Variants in ZBTB20 observed in about 807,000 individuals in gnomAD.
The protein encoded by ZBTB20 is zinc finger and BTB domain-containing protein 20.
In ZBTB20, 9 loss-of-function variants were observed where a neutral mutation model predicts 56.9. The observed-to-expected ratio is 0.16, with a 90% CI of 0.10 to 0.28. The LOEUF is 0.28. ZBTB20 is among the 10% of genes least tolerant of loss of function. The pLI is 1.00. For missense variants in ZBTB20, 655 were observed against 1,003.0 expected (o/e 0.65, Z 4.69); for synonymous variants, 417 against 420.7 (o/e 0.99, Z 0.11).
At chr3:114,848,686 C>T (rs1446169081) in intron 4 of ZBTB20, among the ~76,000 whole-genome samples, 1 of 152,140 alleles carries the variant, frequency 6.6e-6, no homozygotes, top group Non-Finnish European at 1.5e-5. Context: ...ACTTTGGGAC[C>T]TAAATCAACC....
intron 5 of ZBTB20, among the ~76,000 whole-genome samples, chr3:114,777,198 C>T (rs2069671097): frequency 6.6e-6 from 1 of 152,094 alleles, no homozygotes; most frequent in Admixed American, 6.5e-5. Context: ...GGAACCTAAA[C>T]CCAAGAATTC....
At chr3:114,783,535 C>T in intron 5 of ZBTB20, among the ~76,000 whole-genome samples, 1 of 152,088 alleles carries the variant, frequency 6.6e-6, no homozygotes, top group South Asian at 2.1e-4. Context: ...GTGGCTCATG[C>T]CTGTAATCCC....
intron 6 of ZBTB20, among the ~76,000 whole-genome samples, chr3:114,675,614 C>T (rs751417933): frequency 3.9e-5 from 6 of 152,100 alleles, no homozygotes; most frequent in Non-Finnish European, 5.9e-5. Context: ...TCATATGAGG[C>T]TACCACACAT....
At chr3:115,057,538 A>G (rs893154771) in intron 2 of ZBTB20, among the ~76,000 whole-genome samples, 6 of 152,136 alleles carry the variant, frequency 3.9e-5, no homozygotes, top group Non-Finnish European at 8.8e-5. Context: ...CCCACAATAC[A>G]TTGTTAATTA....
intron 7 of ZBTB20, among the ~76,000 whole-genome samples, chr3:114,430,874 G>T (rs999035335): frequency 6.6e-6 from 1 of 152,070 alleles, no homozygotes; most frequent in Non-Finnish European, 1.5e-5. Context: ...TTTACTCCAG[G>T]GTTGGCATTC....
At chr3:115,020,793 G>T (rs1267398650) in intron 2 of ZBTB20, among the ~76,000 whole-genome samples, 1 of 150,616 alleles carries the variant, frequency 6.6e-6, no homozygotes, top group Non-Finnish European at 1.5e-5. Context: ...TGCTTACATT[G>T]TAAGTCTTTT....
chr3:114,912,125 TA>T (rs1212769743), intron 3 of ZBTB20, among the ~76,000 whole-genome samples: 1 of 30,660 alleles, frequency 3.3e-5, no homozygotes, highest in Non-Finnish European at 7.9e-5. Context: ...TTCAAAGTGC[TA>T]AAAGAAAAAA....
chr3:115,062,585 T>G (rs529481020), intron 2 of ZBTB20, among the ~76,000 whole-genome samples: 12 of 152,178 alleles, frequency 7.9e-5, no homozygotes, highest in African/African-American at 2.9e-4. Flanking sequence ...TGCTGTTGGG[T>G]TTTTATTGTT....
intron 5 of ZBTB20, among the ~76,000 whole-genome samples, chr3:114,747,548 A>G (rs945578738): frequency 6.6e-6 from 1 of 152,152 alleles, no homozygotes; most frequent in Admixed American, 6.6e-5. Flanking sequence ...TGGGTGACAG[A>G]GCAAGATTCT....
At chr3:114,921,644 C>T (rs904962856) in intron 3 of ZBTB20, among the ~76,000 whole-genome samples, 1 of 143,544 alleles carries the variant, frequency 7.0e-6, no homozygotes, top group Non-Finnish European at 1.5e-5. Context: ...TGTCCTCACT[C>T]ATAGGTGGGA....
intron 5 of ZBTB20, among the ~76,000 whole-genome samples, chr3:114,698,039 A>G (rs2063154482): frequency 6.6e-6 from 1 of 152,042 alleles, no homozygotes; most frequent in Non-Finnish European, 1.5e-5. Context: ...AGACTCCTCC[A>G]TATGCATCTA....
At chr3:114,606,654 C>T (rs1303274432) in intron 6 of ZBTB20, among the ~76,000 whole-genome samples, 1 of 152,094 alleles carries the variant, frequency 6.6e-6, no homozygotes, top group Non-Finnish European at 1.5e-5. Context: ...AAACATAAAT[C>T]CCCACCACTA....
intron 1 of ZBTB20, among the ~76,000 whole-genome samples, chr3:115,135,663 G>C (rs1330957723): frequency 6.6e-6 from 1 of 152,090 alleles, no homozygotes; most frequent in Non-Finnish European, 1.5e-5. Context: ...ATATGAAAAA[G>C]TATGTCAGCT....
At chr3:114,989,459 A>C (rs1471551008) in intron 2 of ZBTB20, among the ~76,000 whole-genome samples, 2 of 152,034 alleles carry the variant, frequency 1.3e-5, no homozygotes, top group Non-Finnish European at 2.9e-5. Flanking sequence ...CCATTGCTCT[A>C]TCTCTCTGTT....
In ZBTB20 at chr3:115,071,266, G is replaced by A. The variant is rs1371833331; in HGVS notation, c.-554C>T. 6.6e-6 allele frequency: 1 copy of A among 152,112 alleles called. No individual in the cohort carries two copies. Among genetic ancestry groups the A allele is most frequent in the Non-Finnish European group, 1.5e-5 (1 of 68,006 alleles). 9.4% of individuals were successfully genotyped at this position (152,112 alleles called of 1,614,324 possible). A position where few individuals can be genotyped will look rare whatever the true frequency, so the allele number is the denominator to read the frequency against. On this transcript the variant is annotated 5_prime_UTR_variant, in exon 2 of 12. Transcript: ENST00000675478. ...AAATAGAGAATTCTTGATTAACCAG[G>A]AGAAGAATATCATAGGCATGGGTGT...
chr3:114,451,819 C>T (rs1465789695), intron 7 of ZBTB20, among the ~76,000 whole-genome samples: 1 of 152,106 alleles, frequency 6.6e-6, no homozygotes, highest in South Asian at 2.1e-4. Flanking sequence ...CTTTTCTTTC[C>T]TCCTCCTCTA....
intron 6 of ZBTB20, among the ~76,000 whole-genome samples, chr3:114,691,701 A>G (rs980504409): frequency 1.3e-5 from 2 of 152,090 alleles, no homozygotes; most frequent in Non-Finnish European, 2.9e-5. Flanking sequence ...TTATATAGAA[A>G]GTATGATAAC....
chr3:115,003,250 C>T (rs757502768), intron 2 of ZBTB20, among the ~76,000 whole-genome samples: 9 of 151,420 alleles, frequency 5.9e-5, no homozygotes, highest in Non-Finnish European at 1.3e-4. Flanking sequence ...TTGTCAAAAT[C>T]CATTAAATGT....
chr3:114,476,593 CAAG>C (rs2040798859), intron 7 of ZBTB20, among the ~76,000 whole-genome samples: 1 of 152,156 alleles, frequency 6.6e-6, no homozygotes, highest in Non-Finnish European at 1.5e-5. Context: ...AGCCAGAGAG[CAAG>C]AAGGAGCCAA....
Sources: gnomAD v4.1 joint callset for allele counts (sites outside exome capture counted in the v4.1 genomes callset) on GRCh38, gnomAD v4.1.1 for gene constraint, MANE v1.5 for transcripts, NCBI Gene and HGNC (gene_info 2026-07-23, HGNC 2026-07-21) for gene names.